The following SNAP25 variants were observed in gnomAD, a reference collection of about 807,000 sequenced individuals.
SNAP25 encodes the protein synaptosome associated protein 25.
In SNAP25, 3 loss-of-function variants were observed where a neutral mutation model predicts 28.7. The ratio of observed to expected loss-of-function variants is 0.10; its 90% CI spans 0.05 to 0.27. The LOEUF is 0.27. SNAP25 is among the 10% of genes least tolerant of loss of function. The probability of loss-of-function intolerance (pLI) is 1.00; values close to 1 mark genes in which losing one functional copy is unlikely to be tolerated. For synonymous variants in SNAP25, 61 were observed against 88.1 expected, an observed-to-expected ratio of 0.69 and a Z score of 1.72; for missense variants, 117 against 278.7, an observed-to-expected ratio of 0.42 and a Z score of 4.13.
chr20:10,237,673 G>A (rs2327266), intron 1 of SNAP25, among the ~76,000 whole-genome samples: 24,402 of 152,120 alleles, frequency 0.16, 3,697 homozygotes, highest in African/African-American at 0.4. Context: ...ATCACATCCA[G>A]TTCTCAGGAC....
chr20:10,230,851 G>C (rs1338317356), intron 1 of SNAP25, among the ~76,000 whole-genome samples: 1 of 152,156 alleles, frequency 6.6e-6, no homozygotes, highest in African/African-American at 2.4e-5. Flanking sequence ...TTTCTTCCAA[G>C]TGAGTTTGAA....
intron 1 of SNAP25, among the ~76,000 whole-genome samples, chr20:10,230,985 C>A (rs2062819977): frequency 6.6e-6 from 1 of 152,058 alleles, no homozygotes; most frequent in Admixed American, 6.6e-5. Context: ...ATCTTGTCTC[C>A]AAAGCTTAAA....
chr20:10,301,111 T>C (rs550323931), intron 7 of SNAP25, among the ~76,000 whole-genome samples: 2 of 152,310 alleles, frequency 1.3e-5, no homozygotes, highest in African/African-American at 4.8e-5. Context: ...GGTCAAACTC[T>C]TATTGACAGA....
At chr20:10,237,551 C>T (rs1215202381) in intron 1 of SNAP25, among the ~76,000 whole-genome samples, 5 of 152,194 alleles carry the variant, frequency 3.3e-5, no homozygotes, top group African/African-American at 9.7e-5. Context: ...TGGCTGTCTC[C>T]AGCTTTGGCA....
chr20:10,284,867 T>C, intron 4 of SNAP25, 95 bp downstream of exon 4: 1 of 939,258 alleles, frequency 1.1e-6, no homozygotes, highest in South Asian at 1.4e-5. Flanking sequence ...CTTTGACATG[T>C]GTTACACATG....
intron 5 of SNAP25, among the ~76,000 whole-genome samples, chr20:10,294,564 T>C (rs1319467547): frequency 6.6e-6 from 1 of 152,160 alleles, no homozygotes; most frequent in Non-Finnish European, 1.5e-5. Context: ...CTCCTGCAAC[T>C]TCCACATCTA....
At chr20:10,290,526 CA>C (rs2063973566) in intron 4 of SNAP25, among the ~76,000 whole-genome samples, 1 of 151,876 alleles carries the variant, frequency 6.6e-6, no homozygotes, top group Non-Finnish European at 1.5e-5. Flanking sequence ...TTTTTAATAT[CA>C]ATTATCTAAT....
chr20:10,231,186 T>C (rs896727876), intron 1 of SNAP25, among the ~76,000 whole-genome samples: 1 of 146,924 alleles, frequency 6.8e-6, no homozygotes, highest in Non-Finnish European at 1.5e-5. Flanking sequence ...AGGCAGAGAG[T>C]CATCCTGGCC....
intron 7 of SNAP25, among the ~76,000 whole-genome samples, chr20:10,301,898 A>G (rs2123177808): frequency 6.8e-6 from 1 of 147,066 alleles, no homozygotes; most frequent in South Asian, 2.1e-4. Context: ...TATTATATGT[A>G]TATGGTTATT....
intron 3 of SNAP25, among the ~76,000 whole-genome samples, chr20:10,283,258 A>G (rs1451855313): frequency 6.6e-6 from 1 of 152,234 alleles, no homozygotes; most frequent in Non-Finnish European, 1.5e-5. Context: ...TAACGCACAT[A>G]CTTCCTCAAT....
intron 2 of SNAP25, 34 bp from the exon 3 acceptor site, chr20:10,277,651 T>C (rs1162296282): frequency 1.2e-6 from 2 of 1,602,578 alleles, no homozygotes; most frequent in Admixed American, 1.7e-5. Flanking sequence ...CCTGCACTCA[T>C]AAAGTTTATG....
chr20:10,252,616 C>T (rs6039791), intron 1 of SNAP25, among the ~76,000 whole-genome samples: 41,991 of 151,984 alleles, frequency 0.28, 6,118 homozygotes, highest in Middle Eastern at 0.4. Context: ...TGTGTGCATT[C>T]GTTGTATGTT....
At chr20:10,292,142 A>G (rs551807770) in intron 4 of SNAP25, among the ~76,000 whole-genome samples, 2 of 152,302 alleles carry the variant, frequency 1.3e-5, no homozygotes, top group Admixed American at 1.3e-4. Context: ...GGCTTGGAGC[A>G]TGACCCCCAT....
intron 4 of SNAP25, among the ~76,000 whole-genome samples, chr20:10,288,094 G>A (rs917151568): frequency 2.6e-5 from 4 of 151,926 alleles, no homozygotes; most frequent in African/African-American, 9.7e-5. Flanking sequence ...CACCAGCATG[G>A]CACATGTATA....
intron 6 of SNAP25, among the ~76,000 whole-genome samples, chr20:10,299,045 T>G (rs1413780333): frequency 6.6e-6 from 1 of 152,158 alleles, no homozygotes; most frequent in African/African-American, 2.4e-5. Flanking sequence ...ATTAATCTAT[T>G]TAATATACCT....
At chr20:10,288,792 T>C (rs1179004361) in intron 4 of SNAP25, among the ~76,000 whole-genome samples, 1 of 152,050 alleles carries the variant, frequency 6.6e-6, no homozygotes, top group Non-Finnish European at 1.5e-5. Context: ...TGGTACACAT[T>C]TCATTTATAG....
chr20:10,236,524 C>T lies in SNAP25; in HGVS notation c.-64+17547C>T, dbSNP rs1209615779. 3.3e-5 allele frequency among the ~76,000 whole-genome samples: 5 copies of T among 152,128 alleles called. No individual in the cohort carries two copies. In the East Asian group the frequency reaches 9.7e-4, roughly 29 times the overall value. On this transcript the variant is annotated intron_variant, in intron 1 of 7. Coordinates refer to ENST00000254976, the MANE Select transcript of SNAP25 (RefSeq NM_130811.4). ...TTTTTCCCTGTCTCTCCAGAAGTGC[C>T]CTCTGTTTAAGCAAATTCTACCTTC...
intron 1 of SNAP25, among the ~76,000 whole-genome samples, chr20:10,222,511 G>T (rs1017859321): frequency 3.3e-5 from 5 of 152,156 alleles, no homozygotes; most frequent in African/African-American, 1.2e-4. Context: ...CCATTGATTT[G>T]GGTGGAGTGG....
chr20:10,250,076 C>G (rs1231458711), intron 1 of SNAP25, among the ~76,000 whole-genome samples: 1 of 152,112 alleles, frequency 6.6e-6, no homozygotes, highest in African/African-American at 2.4e-5. Flanking sequence ...TCCTAGACTC[C>G]TTTAGCAACA....
Sources: gnomAD v4.1 joint callset for allele counts (sites outside exome capture counted in the v4.1 genomes callset) on GRCh38, gnomAD v4.1.1 for gene constraint, MANE v1.5 for transcripts, NCBI Gene and HGNC (gene_info 2026-07-23, HGNC 2026-07-21) for gene names.